CSTPP1: variants seen among roughly 807,000 people sequenced by gnomAD.
CSTPP1 encodes UPF0705 protein C11orf49.
chr11:46,936,767 G>C, the CSTPP1 span: 1 of 1,608,374 alleles, frequency 6.2e-7, no homozygotes, highest in Non-Finnish European at 8.5e-7. Context: ...GGTTCCGGAA[G>C]CCGGAGAGCT....
At chr11:47,096,200 T>C in the CSTPP1 span, among the ~76,000 whole-genome samples, 2 of 152,248 alleles carry the variant, frequency 1.3e-5, 1 homozygote, top group South Asian at 4.1e-4. Flanking sequence ...TTTATTGTAG[T>C]AAAATATATG....
At chr11:47,042,926 G>T in the CSTPP1 span, among the ~76,000 whole-genome samples, 9 of 152,064 alleles carry the variant, frequency 5.9e-5, no homozygotes, top group African/African-American at 1.7e-4. Flanking sequence ...CATGACTTGG[G>T]CCTCTTATTC....
At chr11:47,070,934 A>AAACACTCCTTGTGCTTTCCCCC in the CSTPP1 span, among the ~76,000 whole-genome samples, 1 of 152,068 alleles carries the variant, frequency 6.6e-6, no homozygotes. Context: ...CACTTTCCCC[A>AAACACTCCTTGTGCTTTCCCCC]AACACTCCTT....
At chr11:47,111,868 C>G in the CSTPP1 span, among the ~76,000 whole-genome samples, 12,361 of 152,168 alleles carry the variant, frequency 0.081, 516 homozygotes, top group Non-Finnish European at 0.09. Context: ...TTTCTATGTA[C>G]GATTTTACTG....
At chr11:47,020,804 T>C in the CSTPP1 span, among the ~76,000 whole-genome samples, 5 of 152,242 alleles carry the variant, frequency 3.3e-5, no homozygotes, top group African/African-American at 1.2e-4. Context: ...AATTCACTAA[T>C]AGGCACAGTG....
chr11:47,124,015 G>A, the CSTPP1 span, among the ~76,000 whole-genome samples: 1 of 149,784 alleles, frequency 6.7e-6, no homozygotes, highest in African/African-American at 2.5e-5. Context: ...CACAGAGAAT[G>A]ACAATGAAAG....
the CSTPP1 span, among the ~76,000 whole-genome samples, chr11:46,971,642 T>A: frequency 6.6e-6 from 1 of 152,138 alleles, no homozygotes. Flanking sequence ...ATTGATCTTC[T>A]AATTTTTTTT....
At chr11:47,058,954 A>G in the CSTPP1 span, among the ~76,000 whole-genome samples, 1 of 152,244 alleles carries the variant, frequency 6.6e-6, no homozygotes, top group Non-Finnish European at 1.5e-5. Flanking sequence ...AATGCCCATC[A>G]ATGATAGACT....
chr11:46,970,647 G>A, the CSTPP1 span, among the ~76,000 whole-genome samples: 2 of 152,002 alleles, frequency 1.3e-5, no homozygotes, highest in African/African-American at 4.8e-5. Context: ...AATAGATGTT[G>A]GTTTTTAAAA....
At chr11:46,984,443 T>A in the CSTPP1 span, among the ~76,000 whole-genome samples, 1 of 152,324 alleles carries the variant, frequency 6.6e-6, no homozygotes, top group South Asian at 2.1e-4. Flanking sequence ...GTGCAAGTAC[T>A]CAAAAATGGT....
At chr11:47,129,954 A>G in the CSTPP1 span, among the ~76,000 whole-genome samples, 1 of 152,224 alleles carries the variant, frequency 6.6e-6, no homozygotes, top group Non-Finnish European at 1.5e-5. Flanking sequence ...CTTAGTCATA[A>G]TAAAATATAA....
chr11:47,161,631 A>AGACTT, the CSTPP1 span: 3 of 1,611,552 alleles, frequency 1.9e-6, no homozygotes, highest in Non-Finnish European at 1.7e-6. Context: ...GACGAGTCGG[A>AGACTT]GACTTGAGGA....
the CSTPP1 span, among the ~76,000 whole-genome samples, chr11:47,112,103 T>G: frequency 3.9e-5 from 6 of 152,124 alleles, no homozygotes; most frequent in African/African-American, 9.7e-5. Context: ...TGCTCTTCCC[T>G]CAGATGTCTG....
the CSTPP1 span, among the ~76,000 whole-genome samples, chr11:47,022,358 C>CTTTTTTTTTTTTTTTTT: frequency 6.2e-5 from 3 of 48,754 alleles, 1 homozygote; most frequent in Non-Finnish European, 1.1e-4. Flanking sequence ...TTCATATGTC[C>CTTTTTTTTTTTTTTTTT]TTTTTTTTTT....
chr11:47,039,089 C>T, the CSTPP1 span, among the ~76,000 whole-genome samples: 1 of 127,058 alleles, frequency 7.9e-6, no homozygotes. Context: ...CTCCTCACTT[C>T]CCAGACGGGG....
the CSTPP1 span, among the ~76,000 whole-genome samples, chr11:47,127,844 G>A: frequency 1.3e-5 from 2 of 152,068 alleles, no homozygotes; most frequent in East Asian, 1.9e-4. Flanking sequence ...TTTGGACCCA[G>A]ATCGGCTGAT....
the CSTPP1 span, among the ~76,000 whole-genome samples, chr11:46,984,905 G>A: frequency 6.6e-6 from 1 of 151,970 alleles, no homozygotes; most frequent in African/African-American, 2.4e-5. Context: ...TGTTTCCCTG[G>A]CCATTTTCCC....
chr11:47,106,049 G>A, the CSTPP1 span, among the ~76,000 whole-genome samples: 3 of 152,180 alleles, frequency 2.0e-5, no homozygotes, highest in African/African-American at 7.2e-5. Flanking sequence ...GACCCAGTCT[G>A]TGTTGATAGC....
chr11:46,964,755 G>T, the CSTPP1 span, among the ~76,000 whole-genome samples: 3 of 152,102 alleles, frequency 2.0e-5, no homozygotes, highest in Non-Finnish European at 2.9e-5. Context: ...AAACTCTAGG[G>T]GTTTGGTATA....
Sources: allele counts gnomAD v4.1 joint callset (sites outside exome capture counted in the v4.1 genomes callset), GRCh38; gene constraint gnomAD v4.1.1; transcripts MANE v1.5; gene names NCBI Gene and HGNC (gene_info 2026-07-23, HGNC 2026-07-21).